The following PIP5K1B variants were observed in gnomAD, a reference collection of about 807,000 sequenced individuals.
The protein encoded by PIP5K1B is phosphatidylinositol-4-phosphate 5-kinase type 1 beta, also known as phosphatidylinositol 4-phosphate 5-kinase type-1 beta.
A neutral mutation model predicts 67.0 loss-of-function variants in PIP5K1B; 42 were observed. The observed-to-expected ratio is 0.63, with a 90% CI of 0.49 to 0.81. The LOEUF (loss-of-function observed/expected upper bound fraction) is 0.81. PIP5K1B is among the 30% of genes least tolerant of loss of function. The pLI is 0.00. For synonymous variants in PIP5K1B, 214 were observed against 231.4 expected, an observed-to-expected ratio of 0.92 and a Z score of 0.68; for missense variants, 459 against 646.3, an observed-to-expected ratio of 0.71 and a Z score of 3.14.
intron 4 of PIP5K1B, among the ~76,000 whole-genome samples, chr9:68,842,692 G>C (rs1821977839): frequency 6.6e-6 from 1 of 152,162 alleles, no homozygotes; most frequent in Non-Finnish European, 1.5e-5. Context: ...TTTTATGTCT[G>C]GAGGAAGTGG....
intron 6 of PIP5K1B, 27 bp downstream of exon 6, chr9:68,876,821 C>CT: frequency 9.1e-7 from 1 of 1,103,112 alleles, no homozygotes; most frequent in Non-Finnish European, 1.4e-6. Context: ...TTTCTTCCTT[C>CT]TATAGAAATG....
intron 5 of PIP5K1B, among the ~76,000 whole-genome samples, chr9:68,866,933 A>G (rs1391391945): frequency 1.3e-5 from 2 of 152,196 alleles, no homozygotes; most frequent in Admixed American, 1.3e-4. Flanking sequence ...TTGTGAGGCA[A>G]TATTGCTGGG....
intron 14 of PIP5K1B, among the ~76,000 whole-genome samples, chr9:68,990,711 T>C (rs1830323738): frequency 6.6e-6 from 1 of 151,630 alleles, no homozygotes; most frequent in Non-Finnish European, 1.5e-5. Flanking sequence ...GTTGCCGGGC[T>C]AGAGTGCAGT....
intron 2 of PIP5K1B, among the ~76,000 whole-genome samples, chr9:68,818,045 A>G (rs12376991): frequency 0.092 from 13,995 of 152,256 alleles, 849 homozygotes; most frequent in Non-Finnish European, 0.14. Context: ...AATTGTCCAC[A>G]TGTCACATGG....
chr9:68,792,440 A>G (rs946028896), intron 2 of PIP5K1B, among the ~76,000 whole-genome samples: 1 of 149,324 alleles, frequency 6.7e-6, no homozygotes, highest in East Asian at 2.0e-4. Flanking sequence ...TTCAGCATTT[A>G]CTGTGGCACA....
At chr9:68,838,723 G>A (rs769242827) in intron 4 of PIP5K1B, among the ~76,000 whole-genome samples, 18 of 152,026 alleles carry the variant, frequency 1.2e-4, no homozygotes, top group Non-Finnish European at 2.4e-4. Context: ...TAACAAACCT[G>A]CACTTGTACC....
intron 5 of PIP5K1B, among the ~76,000 whole-genome samples, chr9:68,867,669 G>A (rs1823428966): frequency 6.6e-6 from 1 of 152,222 alleles, no homozygotes; most frequent in South Asian, 2.1e-4. Context: ...ATGTGTAAAA[G>A]TAACAAATGG....
chr9:68,824,783 C>T (rs1833900452), intron 4 of PIP5K1B, among the ~76,000 whole-genome samples: 1 of 152,146 alleles, frequency 6.6e-6, no homozygotes, highest in African/African-American at 2.4e-5. Flanking sequence ...GTTTAGTTCT[C>T]TGATCTTCAA....
At chr9:68,827,338 T>A (rs1460554956) in intron 4 of PIP5K1B, among the ~76,000 whole-genome samples, 1 of 152,228 alleles carries the variant, frequency 6.6e-6, no homozygotes, top group East Asian at 1.9e-4. Flanking sequence ...CCCGCAATGA[T>A]GGAAATGTTC....
chr9:68,888,424 A>G (rs1824596345), intron 6 of PIP5K1B, among the ~76,000 whole-genome samples: 1 of 152,240 alleles, frequency 6.6e-6, no homozygotes, highest in Admixed American at 6.5e-5. Flanking sequence ...CTTATTGCAT[A>G]TAAATTGTGT....
Position 68,930,060 on chromosome 9 carries a change from A to G in PIP5K1B, c.1202-4830A>G, listed in dbSNP as rs369066589. Among the ~76,000 whole-genome samples the G allele has an allele frequency of 1.1e-4, 16 of 152,318 alleles. No individual in the cohort carries two copies. In the South Asian group the frequency reaches 3.3e-3, roughly 32 times the overall value. On this transcript the variant is annotated intron_variant, in intron 12 of 15. Coordinates refer to ENST00000265382, the MANE Select transcript of PIP5K1B (RefSeq NM_003558.4). Reference sequence around the variant, plus strand: ...GCTCTTCGCTTGTCTTTCGTAACTCAGGACTTCCCTGGTTGCCTTCCAGCC... The same window carrying G: ...GCTCTTCGCTTGTCTTTCGTAACTCGGGACTTCCCTGGTTGCCTTCCAGCC...
chr9:68,990,357 C>A (rs1488839459), intron 14 of PIP5K1B, among the ~76,000 whole-genome samples: 1 of 149,704 alleles, frequency 6.7e-6, no homozygotes, highest in African/African-American at 2.5e-5. Flanking sequence ...GATTCTGAGG[C>A]ACATGTAAGT....
chr9:68,939,179 G>A (rs1827429895), intron 13 of PIP5K1B, among the ~76,000 whole-genome samples: 1 of 152,218 alleles, frequency 6.6e-6, no homozygotes, highest in Admixed American at 6.5e-5. Flanking sequence ...GCATATGGGA[G>A]CATGAGGAAA....
At chr9:68,711,971 A>G (rs1403165175) in intron 1 of PIP5K1B, among the ~76,000 whole-genome samples, 3 of 152,112 alleles carry the variant, frequency 2.0e-5, no homozygotes, top group Non-Finnish European at 2.9e-5. Context: ...GACCTTCTCC[A>G]TATGTTTTGT....
At chr9:68,880,689 C>G (rs1824158166) in intron 6 of PIP5K1B, among the ~76,000 whole-genome samples, 1 of 151,908 alleles carries the variant, frequency 6.6e-6, no homozygotes, top group Non-Finnish European at 1.5e-5. Flanking sequence ...TGTTTGATTC[C>G]ATTTGTCCAC....
At chr9:68,710,258 A>G (rs2132234076) in intron 1 of PIP5K1B, among the ~76,000 whole-genome samples, 1 of 152,282 alleles carries the variant, frequency 6.6e-6, no homozygotes. Flanking sequence ...GCCAGTTAGA[A>G]CTGTACATTA....
At position 68,818,422 on chromosome 9, in the gene PIP5K1B, A is replaced by T. The variant is rs1587499409; in HGVS notation, c.-85-39A>T. On this transcript the variant is annotated intron_variant, in intron 2 of 15. Coordinates refer to ENST00000265382, the MANE Select transcript of PIP5K1B (RefSeq NM_003558.4). ...ATCTTTTTTGGGAGATGTAGTAGGG[A>T]TATGAATAAATGATGACCAGAAATT... The T allele has an allele frequency of 2.0e-5, 3 of 152,506 alleles. No individual in the cohort carries two copies. In the South Asian group the frequency reaches 6.2e-4, roughly 32 times the overall value. 9.4% of individuals were successfully genotyped at this position (152,506 alleles called of 1,614,324 possible).
At chr9:68,869,505 C>T (rs1823525025) in intron 5 of PIP5K1B, among the ~76,000 whole-genome samples, 1 of 152,172 alleles carries the variant, frequency 6.6e-6, no homozygotes, top group African/African-American at 2.4e-5. Flanking sequence ...TACAACAGCC[C>T]ATGGGACAGG....
intron 7 of PIP5K1B, among the ~76,000 whole-genome samples, chr9:68,893,107 A>G (rs1193545871): frequency 6.6e-6 from 1 of 152,002 alleles, no homozygotes; most frequent in Non-Finnish European, 1.5e-5. Context: ...AAGGCAACAC[A>G]TTTATATAAC....
Sources: gnomAD v4.1 joint callset for allele counts (sites outside exome capture counted in the v4.1 genomes callset) on GRCh38, gnomAD v4.1.1 for gene constraint, MANE v1.5 for transcripts, NCBI Gene and HGNC (gene_info 2026-07-23, HGNC 2026-07-21) for gene names.